Variants in CNTNAP2 observed in about 807,000 individuals in gnomAD.
CNTNAP2 encodes contactin-associated protein-like 2.
A neutral mutation model predicts 155.2 loss-of-function variants in CNTNAP2; 98 were observed. The ratio of observed to expected loss-of-function variants is 0.63; its 90% CI spans 0.54 to 0.75. CNTNAP2 has a LOEUF of 0.75. Ranked by LOEUF, CNTNAP2 falls within the 30% of genes least tolerant of loss-of-function variation. The pLI is 0.00. For synonymous variants in CNTNAP2, 651 were observed against 631.2 expected, an observed-to-expected ratio of 1.03 and a Z score of -0.47; for missense variants, 1,727 against 1,688.1, an observed-to-expected ratio of 1.02 and a Z score of -0.40.
At chr7:146,842,245 T>C (rs894923679) in intron 3 of CNTNAP2, among the ~76,000 whole-genome samples, 2 of 152,098 alleles carry the variant, frequency 1.3e-5, no homozygotes, top group African/African-American at 2.4e-5. Context: ...AAGGATGTCA[T>C]GTAGTGAAAA....
At chr7:146,572,284 T>G (rs925043402) in intron 1 of CNTNAP2, among the ~76,000 whole-genome samples, 10 of 89,234 alleles carry the variant, frequency 1.1e-4, no homozygotes, top group Non-Finnish European at 2.4e-4. Flanking sequence ...TTTTTTTTTT[T>G]GTAATCCCTA....
At chr7:147,048,057 C>T (rs1176904642) in intron 4 of CNTNAP2, among the ~76,000 whole-genome samples, 3 of 147,932 alleles carry the variant, frequency 2.0e-5, no homozygotes, top group African/African-American at 7.5e-5. Flanking sequence ...AATCATGACA[C>T]GGAGAGACAA....
rs140075241 is a variant in CNTNAP2 at position 147,214,492 on chromosome 7, A to G, written c.1348+81983A>G. On this transcript the variant is annotated intron_variant, in intron 8 of 23. Transcript: ENST00000361727. ...TTTACTTATGTATGTTAATAAGTAT[A>G]TTGAACAATGGCCTGTAAGTACTTA... Among the ~76,000 whole-genome samples the G allele has an allele frequency of 2.0e-4, 30 of 152,286 alleles. 1 individual carries two copies. The highest frequency in any genetic ancestry group is 7.2e-4 in the African/African-American group (30 of 41,568).
intron 4 of CNTNAP2, among the ~76,000 whole-genome samples, chr7:147,105,501 A>G (rs1800748012): frequency 6.6e-6 from 1 of 152,050 alleles, no homozygotes; most frequent in Admixed American, 6.6e-5. Context: ...GCATTATTAG[A>G]TATCAAATGA....
intron 12 of CNTNAP2, among the ~76,000 whole-genome samples, chr7:147,624,994 T>C (rs994934954): frequency 1.3e-5 from 2 of 152,084 alleles, no homozygotes; most frequent in Admixed American, 1.3e-4. Context: ...TTAAGTGAAA[T>C]AAGCCAGGCA....
intron 15 of CNTNAP2, among the ~76,000 whole-genome samples, chr7:147,980,884 T>C (rs1239783069): frequency 1.5e-5 from 2 of 137,770 alleles, no homozygotes; most frequent in Admixed American, 8.7e-5. Flanking sequence ...TGAGCAGAGA[T>C]TGTGCCACTG....
At chr7:148,329,671 A>G (rs772105653) in intron 21 of CNTNAP2, among the ~76,000 whole-genome samples, 30 of 152,340 alleles carry the variant, frequency 2.0e-4, no homozygotes, top group Non-Finnish European at 3.5e-4. Context: ...TTTCTGATCA[A>G]TAGTCCCAAG....
At chr7:146,734,138 T>C (rs1801572208) in intron 1 of CNTNAP2, among the ~76,000 whole-genome samples, 1 of 152,098 alleles carries the variant, frequency 6.6e-6, no homozygotes, top group Non-Finnish European at 1.5e-5. Context: ...TACCCAGTAC[T>C]AATAAAAGGT....
intron 16 of CNTNAP2, among the ~76,000 whole-genome samples, chr7:148,119,029 G>T (rs1286727072): frequency 6.6e-6 from 1 of 152,062 alleles, no homozygotes; most frequent in African/African-American, 2.4e-5. Context: ...TAAACATCAG[G>T]GCCCCAATTC....
intron 2 of CNTNAP2, among the ~76,000 whole-genome samples, chr7:146,839,230 T>C (rs1191733639): frequency 6.6e-6 from 1 of 152,148 alleles, no homozygotes; most frequent in Non-Finnish European, 1.5e-5. Context: ...TTAGGTTCAT[T>C]TTAAGAATTG....
intron 23 of CNTNAP2, among the ~76,000 whole-genome samples, chr7:148,414,460 C>G (rs1304569208): frequency 6.6e-6 from 1 of 150,986 alleles, no homozygotes; most frequent in East Asian, 1.9e-4. Context: ...TCCTTTAAAC[C>G]CCTGTGCAGG....
intron 1 of CNTNAP2, among the ~76,000 whole-genome samples, chr7:146,384,585 G>C (rs1396131318): frequency 6.6e-6 from 1 of 152,070 alleles, no homozygotes; most frequent in South Asian, 2.1e-4. Context: ...AAAGGTATTT[G>C]TTCTCCATGT....
chr7:147,360,213 T>A (rs1796124631), intron 9 of CNTNAP2, among the ~76,000 whole-genome samples: 1 of 152,236 alleles, frequency 6.6e-6, no homozygotes, highest in African/African-American at 2.4e-5. Flanking sequence ...TCATAAACTT[T>A]ATTTATAACC....
At position 148,105,585 on chromosome 7, in the gene CNTNAP2, A is replaced by AT. The variant is rs1362608028; in HGVS notation, c.2384-12521dup. On this transcript the variant is annotated intron_variant, in intron 15 of 23. Coordinates refer to ENST00000361727, the MANE Select transcript of CNTNAP2 (RefSeq NM_014141.6). ...GGTTTTGCATTTTATTTTATTTTTT[A>AT]TTTTTTTTTTTTATTTTTTTGTGAT... 1.3e-3 allele frequency among the ~76,000 whole-genome samples: 173 copies of AT among 134,078 alleles called. 1 individual carries two copies. The highest frequency in any genetic ancestry group is 3.6e-3 in the Middle Eastern group (1 of 278). The allele number at this position is 134,078 out of a possible 152,430, so 88.0% of individuals were successfully genotyped here.
intron 18 of CNTNAP2, 54 bp from the exon 19 acceptor site, chr7:148,217,234 G>A (rs867469420): frequency 2.6e-5 from 41 of 1,562,184 alleles, no homozygotes; most frequent in African/African-American, 8.1e-5. Flanking sequence ...TCATTGTAGG[G>A]TATCGGCATC....
rs1803157985 is a variant in CNTNAP2, at chr7:146,815,826, T to G, written c.209-23885T>G. ...GCACAACGTGCAGGTTTGTTACATA[T>G]GTATACATGTGCCATGTTGGTGTGC... is the stretch of plus-strand genomic sequence containing the variant. On this transcript the variant is annotated intron_variant, in intron 2 of 23. Transcript: ENST00000361727. Among the ~76,000 whole-genome samples, 11 of 152,270 alleles carry G rather than the reference T, an allele frequency of 7.2e-5. No homozygotes were observed. In the South Asian group the frequency reaches 2.1e-3, roughly 29 times the overall value.
chr7:147,570,569 T>G (rs565884264), intron 12 of CNTNAP2, among the ~76,000 whole-genome samples: 1 of 152,340 alleles, frequency 6.6e-6, no homozygotes, highest in East Asian at 1.9e-4. Flanking sequence ...GTATATTTTA[T>G]ACAGGTACCT....
intron 1 of CNTNAP2, among the ~76,000 whole-genome samples, chr7:146,257,758 A>G (rs959072542): frequency 4.6e-5 from 7 of 152,340 alleles, no homozygotes; most frequent in African/African-American, 1.2e-4. Context: ...TGGACCAGAG[A>G]ACATACTTTG....
intron 10 of CNTNAP2, among the ~76,000 whole-genome samples, chr7:147,414,649 G>T (rs1223316166): frequency 6.6e-6 from 1 of 151,816 alleles, no homozygotes; most frequent in Non-Finnish European, 1.5e-5. Flanking sequence ...ATGAATTTAA[G>T]AAATGGATTC....
Sources: gnomAD v4.1 joint callset for allele counts (sites outside exome capture counted in the v4.1 genomes callset) on GRCh38, gnomAD v4.1.1 for gene constraint, MANE v1.5 for transcripts, NCBI Gene and HGNC (gene_info 2026-07-23, HGNC 2026-07-21) for gene names.